The following MYCBP2 variants were observed in gnomAD, a reference collection of about 807,000 sequenced individuals.
MYCBP2 encodes the protein E3 ubiquitin-protein ligase MYCBP2.
In MYCBP2, 120 loss-of-function variants were observed where a neutral mutation model predicts 525.3. The ratio of observed to expected loss-of-function variants is 0.23; its 90% CI spans 0.20 to 0.27. The LOEUF (loss-of-function observed/expected upper bound fraction) is 0.27. Among genes scored for constraint, MYCBP2 ranks in the 10% least tolerant of loss-of-function variants. The pLI, the probability that MYCBP2 is intolerant of heterozygous loss-of-function variation, is 1.00. For missense variants in MYCBP2, 4,149 were observed against 5,657.1 expected (o/e 0.73, Z 8.55); for synonymous variants, 1,894 against 1,955.8 (o/e 0.97, Z 0.83).
intron 8 of MYCBP2, among the ~76,000 whole-genome samples, chr13:77,264,623 T>C (rs918139853): frequency 2.0e-5 from 3 of 152,152 alleles, no homozygotes; most frequent in African/African-American, 7.2e-5. Flanking sequence ...AAAGCAGTCA[T>C]GTATCTTGGC....
intron 2 of MYCBP2, among the ~76,000 whole-genome samples, chr13:77,289,469 C>A (rs1317523074): frequency 6.6e-6 from 1 of 151,216 alleles, no homozygotes; most frequent in Non-Finnish European, 1.5e-5. Context: ...TTCAAATAAA[C>A]ACAGAAAGAT....
intron 26 of MYCBP2, among the ~76,000 whole-genome samples, chr13:77,198,540 C>T (rs1231920451): frequency 1.3e-5 from 2 of 152,112 alleles, no homozygotes; most frequent in Non-Finnish European, 2.9e-5. Flanking sequence ...CAGGCAGAAA[C>T]TATAGTTTTC....
chr13:77,119,006 T>C lies in MYCBP2; in HGVS notation c.8140+2367A>G, dbSNP rs1224851603. On this transcript the variant is annotated intron_variant, in intron 55 of 82. Transcript: ENST00000544440. ...TTAACATAGCAATGTGTTTACATTA[T>C]AGTTATAAATTAATACTTTCTTTTT... Among the ~76,000 whole-genome samples the C allele has an allele frequency of 3.3e-5, 5 of 152,336 alleles. No individual in the cohort carries two copies. In the South Asian group the frequency reaches 8.3e-4, roughly 25 times the overall value.
chr13:77,130,068 T>C, intron 52 of MYCBP2, among the ~76,000 whole-genome samples: 1 of 151,940 alleles, frequency 6.6e-6, no homozygotes, highest in Middle Eastern at 4.0e-3. Flanking sequence ...TTAAATGATA[T>C]ACATTTTCGT....
At chr13:77,253,193 T>C (rs912691443) in intron 14 of MYCBP2, among the ~76,000 whole-genome samples, 4 of 151,940 alleles carry the variant, frequency 2.6e-5, no homozygotes, top group Non-Finnish European at 5.9e-5. Flanking sequence ...TTTGAAGAGA[T>C]GTTCAAACTC....
At chr13:77,071,289 A>G (rs1338115465) in intron 68 of MYCBP2, among the ~76,000 whole-genome samples, 5 of 151,914 alleles carry the variant, frequency 3.3e-5, no homozygotes, top group African/African-American at 1.2e-4. Context: ...ACACACACAC[A>G]CACACACACA....
At chr13:77,246,938 G>C (rs1409843463) in intron 15 of MYCBP2, among the ~76,000 whole-genome samples, 1 of 151,992 alleles carries the variant, frequency 6.6e-6, no homozygotes, top group Non-Finnish European at 1.5e-5. Flanking sequence ...AATAAAAACA[G>C]TAGACAAACT....
chr13:77,291,509 G>A (rs1355228686), intron 2 of MYCBP2, among the ~76,000 whole-genome samples: 2 of 152,198 alleles, frequency 1.3e-5, no homozygotes, highest in South Asian at 2.1e-4. Context: ...AGTGACTCAC[G>A]CCTGTAATCC....
intron 53 of MYCBP2, among the ~76,000 whole-genome samples, chr13:77,125,946 C>T (rs1451797425): frequency 1.3e-5 from 2 of 152,120 alleles, no homozygotes; most frequent in East Asian, 3.9e-4. Flanking sequence ...TTCAGTGAGA[C>T]CTATGAATGG....
intron 66 of MYCBP2, chr13:77,077,621 C>T (rs2042538317): frequency 2.3e-6 from 1 of 427,192 alleles, no homozygotes; most frequent in South Asian, 4.5e-5. Flanking sequence ...AAGGGATTTT[C>T]AGTAAATGGT....
intron 3 of MYCBP2, 75 bp from the exon 4 acceptor site, chr13:77,278,986 C>T: frequency 1.0e-6 from 1 of 1,003,532 alleles, no homozygotes; most frequent in African/African-American, 1.7e-5. Context: ...TTAGTTGGTA[C>T]AAGTTACTTC....
intron 72 of MYCBP2, 28 bp downstream of exon 72, chr13:77,065,964 C>T (rs1290921016): frequency 3.2e-6 from 5 of 1,568,980 alleles, no homozygotes; most frequent in Non-Finnish European, 4.4e-6. Context: ...CCGCACTTCA[C>T]TGCCAAAACA....
intron 4 of MYCBP2, among the ~76,000 whole-genome samples, chr13:77,274,666 A>G (rs2075304831): frequency 6.6e-6 from 1 of 152,138 alleles, no homozygotes; most frequent in South Asian, 2.1e-4. Context: ...TTCCTAATGG[A>G]TAACTCCACT....
chr13:77,186,782 A>T (rs573880586), intron 30 of MYCBP2, among the ~76,000 whole-genome samples: 15 of 150,998 alleles, frequency 9.9e-5, no homozygotes, highest in Non-Finnish European at 2.1e-4. Flanking sequence ...AGAGCTCCTG[A>T]AAACGAGTTT....
rs546201934 is a variant in MYCBP2 at position 77,202,269 on chromosome 13, G to A, written c.3843+2987C>T. 7.2e-5 allele frequency among the ~76,000 whole-genome samples: 11 copies of A among 152,302 alleles called. No individual in the cohort carries two copies. In the East Asian group the frequency reaches 1.2e-3, roughly 16 times the overall value. ...CAGAGAATACTACAAAATCCTCTAC[G>A]CAAATAAACTAGAAAATCTAGAAGA... On this transcript the variant is annotated intron_variant, in intron 26 of 82. Coordinates refer to ENST00000544440, the MANE Select transcript of MYCBP2 (RefSeq NM_015057.5).
rs1240599753 is a variant in MYCBP2, at chr13:77,174,437, T to C, written c.5525A>G (p.Asn1842Ser). ...AACTGTGGTCATTCCTCCATCTCCA[T>C]TGGCTGTACGGCTTCCATAGTTCCT... The part of the protein sequence containing the change: ...RLRNYGSRTA[N>S]GDGGMTTVQC... Residue 1842 changes from asparagine to serine, a missense_variant, in exon 37 of 83, where the codon AAT becomes AGT. Asn to Ser is a conservative substitution (Grantham distance 46). This residue lies in a region of MYCBP2 where 109 missense variants were observed against 118.9 expected (regional missense o/e 0.92). Transcript: ENST00000544440. The C allele has an allele frequency of 2.4e-5, 38 of 1,614,054 alleles. No homozygotes were observed. The Admixed American group carries it at 5.8e-4, about 25-fold the overall frequency.
intron 44 of MYCBP2, 135 bp downstream of exon 44, chr13:77,161,771 A>G: frequency 1.6e-6 from 1 of 619,748 alleles, no homozygotes; most frequent in Non-Finnish European, 2.8e-6. Flanking sequence ...TAAGTTATTT[A>G]TCTCTATAAT....
intron 65 of MYCBP2, 69 bp from the exon 66 acceptor site, chr13:77,078,958 G>A: frequency 7.8e-7 from 1 of 1,286,818 alleles, no homozygotes; most frequent in Non-Finnish European, 1.1e-6. Context: ...GGTTTCTCAT[G>A]ACCTACTAAT....
At chr13:77,076,684 A>T in intron 68 of MYCBP2, 67 bp downstream of exon 68, 1 of 952,338 alleles carries the variant, frequency 1.1e-6, no homozygotes, top group South Asian at 1.6e-5. Flanking sequence ...ACAGCAATAA[A>T]TGAATTATTT....
Sources: allele counts gnomAD v4.1 joint callset (sites outside exome capture counted in the v4.1 genomes callset), GRCh38; gene constraint gnomAD v4.1.1; regional missense constraint gnomAD v4.1.1; transcripts MANE v1.5; gene names NCBI Gene and HGNC (gene_info 2026-07-23, HGNC 2026-07-21).